Variants in USP10 observed in about 807,000 individuals in gnomAD.
USP10 encodes ubiquitin specific peptidase 10, also known as ubiquitin carboxyl-terminal hydrolase 10.
USP10 carries 22 observed loss-of-function variants against 84.5 expected under a neutral mutation model. That is an observed-to-expected ratio of 0.26 (90% CI 0.19 to 0.37). USP10 has a LOEUF of 0.37. Ranked by LOEUF, USP10 falls within the 10% of genes least tolerant of loss-of-function variation. The probability of loss-of-function intolerance (pLI) is 1.00; values close to 1 mark genes in which losing one functional copy is unlikely to be tolerated. For synonymous variants in USP10, 454 were observed against 387.6 expected (o/e 1.17, Z -2.01); for missense variants, 1,019 against 998.9 (o/e 1.02, Z -0.27).
intron 11 of USP10, among the ~76,000 whole-genome samples, chr16:84,771,173 G>T (rs1198607240): frequency 1.3e-5 from 2 of 152,160 alleles, no homozygotes; most frequent in African/African-American, 4.8e-5. Flanking sequence ...CAAAAAACCT[G>T]GCTTTATTTA....
At chr16:84,718,580 A>T (rs1457871137) in intron 1 of USP10, among the ~76,000 whole-genome samples, 1 of 151,624 alleles carries the variant, frequency 6.6e-6, no homozygotes, top group Non-Finnish European at 1.5e-5. Flanking sequence ...ACATGGTAAA[A>T]CCCTGTCCCT....
chr16:84,764,978 C>T (rs1273301119), intron 10 of USP10, among the ~76,000 whole-genome samples: 2 of 141,254 alleles, frequency 1.4e-5, no homozygotes, highest in South Asian at 2.3e-4. Flanking sequence ...GCATTTAAAA[C>T]TTGCAACATA....
chr16:84,772,727 TC>T lies in USP10; in HGVS notation c.2143+44del, dbSNP rs750642980. 9.2e-4 allele frequency: 1,476 copies of T among 1,607,824 alleles called. 1 individual carries two copies. The highest frequency in any genetic ancestry group is 1.8e-3 in the Admixed American group (105 of 59,786). ...GTCGGGAGTGTTCGTGGTGACACAC[TC>T]CTGCACATCAGAAGCTCAACCCTGT... On this transcript the variant is annotated intron_variant, in intron 12 of 13. Coordinates refer to ENST00000219473, the MANE Select transcript of USP10 (RefSeq NM_005153.3).
At chr16:84,716,802 C>T (rs1207582386) in intron 1 of USP10, among the ~76,000 whole-genome samples, 1 of 152,204 alleles carries the variant, frequency 6.6e-6, no homozygotes, top group Non-Finnish European at 1.5e-5. Flanking sequence ...ATACACCTTA[C>T]AATTACATGG....
chr16:84,701,121 C>A (rs533840876), intron 1 of USP10, among the ~76,000 whole-genome samples: 1 of 152,070 alleles, frequency 6.6e-6, no homozygotes, highest in Non-Finnish European at 1.5e-5. Context: ...AAATCATAAC[C>A]CTTCATGAGC....
intron 3 of USP10, among the ~76,000 whole-genome samples, chr16:84,741,629 G>T (rs1310478576): frequency 6.6e-6 from 1 of 151,904 alleles, no homozygotes; most frequent in African/African-American, 2.4e-5. Flanking sequence ...CTGCTTCTTG[G>T]CCCTTTTTCT....
intron 4 of USP10, 108 bp downstream of exon 4, chr16:84,745,781 A>C: frequency 1.7e-6 from 2 of 1,156,058 alleles, no homozygotes; most frequent in Non-Finnish European, 2.4e-6. Context: ...CCTGTGTGTT[A>C]ATAGCAACGT....
intron 3 of USP10, among the ~76,000 whole-genome samples, chr16:84,741,879 C>T (rs746957188): frequency 6.6e-5 from 10 of 152,152 alleles, no homozygotes; most frequent in African/African-American, 2.2e-4. Context: ...TGGCAGGATC[C>T]ATTTCTCTGT....
At chr16:84,723,903 C>A (rs1053384815) in intron 1 of USP10, among the ~76,000 whole-genome samples, 1 of 152,216 alleles carries the variant, frequency 6.6e-6, no homozygotes, top group African/African-American at 2.4e-5. Flanking sequence ...TCCTTGGCCC[C>A]AGCAAAGATA....
chr16:84,717,350 A>G (rs949352525), intron 1 of USP10, among the ~76,000 whole-genome samples: 2 of 152,180 alleles, frequency 1.3e-5, no homozygotes, highest in African/African-American at 4.8e-5. Flanking sequence ...GTGCAGATTA[A>G]ATGAAATATG....
intron 2 of USP10, among the ~76,000 whole-genome samples, chr16:84,739,219 C>T (rs185261517): frequency 5.3e-5 from 8 of 151,270 alleles, no homozygotes; most frequent in South Asian, 4.2e-4. Context: ...CCACCATGCC[C>T]GGCTAATTTT....
chr16:84,744,207 A>G (rs1358347547), intron 3 of USP10, among the ~76,000 whole-genome samples: 1 of 152,122 alleles, frequency 6.6e-6, no homozygotes, highest in African/African-American at 2.4e-5. Flanking sequence ...AAGCTGATTT[A>G]ACCATGTTTT....
At chr16:84,753,333 A>G (rs1912152470) in intron 4 of USP10, among the ~76,000 whole-genome samples, 1 of 152,124 alleles carries the variant, frequency 6.6e-6, no homozygotes, top group Admixed American at 6.5e-5. Flanking sequence ...TTGGGCTAAC[A>G]TTTCCTCTTG....
At chr16:84,735,792 A>G (rs575079575) in intron 2 of USP10, among the ~76,000 whole-genome samples, 11 of 152,216 alleles carry the variant, frequency 7.2e-5, no homozygotes, top group African/African-American at 2.4e-4. Context: ...ACATACGGTG[A>G]AGTTTGGAGG....
At chr16:84,720,877 C>T (rs575527077) in intron 1 of USP10, among the ~76,000 whole-genome samples, 9 of 148,728 alleles carry the variant, frequency 6.1e-5, no homozygotes, top group East Asian at 2.0e-4. Flanking sequence ...CCACCGCGCC[C>T]GGCCAATGAT....
chr16:84,751,727 A>G (rs1703203232), intron 4 of USP10, among the ~76,000 whole-genome samples: 2 of 152,348 alleles, frequency 1.3e-5, no homozygotes, highest in Non-Finnish European at 2.9e-5. Flanking sequence ...TGTTCTGGAC[A>G]GTTAGAATGA....
chr16:84,773,418 C>A (rs1405507731), intron 12 of USP10, among the ~76,000 whole-genome samples: 1 of 152,138 alleles, frequency 6.6e-6, no homozygotes, highest in Non-Finnish European at 1.5e-5. Flanking sequence ...CTCTTCTCTC[C>A]GTCCCCTGGC....
At chr16:84,736,007 T>C (rs925878271) in intron 2 of USP10, among the ~76,000 whole-genome samples, 2 of 150,710 alleles carry the variant, frequency 1.3e-5, no homozygotes, top group Middle Eastern at 3.5e-3. Flanking sequence ...CTTGGACCTG[T>C]GGGTGTGTGA....
At chr16:84,721,533 T>A (rs1477362274) in intron 1 of USP10, among the ~76,000 whole-genome samples, 1 of 152,338 alleles carries the variant, frequency 6.6e-6, no homozygotes, top group Admixed American at 6.5e-5. Flanking sequence ...CGAGGTTTTT[T>A]GTCTTTGTTT....
Sources: allele counts gnomAD v4.1 joint callset (sites outside exome capture counted in the v4.1 genomes callset), GRCh38; gene constraint gnomAD v4.1.1; transcripts MANE v1.5; gene names NCBI Gene and HGNC (gene_info 2026-07-23, HGNC 2026-07-21).